The following RBFOX1 variants were observed in gnomAD, a reference collection of about 807,000 sequenced individuals.
RBFOX1 encodes the protein RNA binding fox-1 homolog 1.
Under a neutral mutation model 57.7 loss-of-function variants are expected in RBFOX1, and 8 were observed. That is an observed-to-expected ratio of 0.14 (90% CI 0.08 to 0.25). The LOEUF is 0.25. Ranked by LOEUF, RBFOX1 falls within the 10% of genes least tolerant of loss-of-function variation. The pLI is 1.00. For synonymous variants in RBFOX1, 326 were observed against 222.4 expected (o/e 1.47, Z -4.15); for missense variants, 611 against 548.5 (o/e 1.11, Z -1.14).
chr16:6,008,120 A>C (rs551578430), intron 4 of RBFOX1, among the ~76,000 whole-genome samples: 1 of 152,104 alleles, frequency 6.6e-6, no homozygotes, highest in Non-Finnish European at 1.5e-5. Context: ...CAGGAGGGTC[A>C]CTTGAACCTG....
chr16:6,852,248 A>C (rs1385925598), intron 3 of RBFOX1, among the ~76,000 whole-genome samples: 1 of 152,096 alleles, frequency 6.6e-6, no homozygotes, highest in Non-Finnish European at 1.5e-5. Flanking sequence ...ACATGACTGC[A>C]GTCTCTGCCT....
At chr16:6,935,553 G>C (rs2077221612) in intron 3 of RBFOX1, among the ~76,000 whole-genome samples, 1 of 152,150 alleles carries the variant, frequency 6.6e-6, no homozygotes, top group Non-Finnish European at 1.5e-5. Context: ...AGTATTTGCA[G>C]CCAAGATCTG....
chr16:6,889,418 G>C (rs1186529783), intron 3 of RBFOX1, among the ~76,000 whole-genome samples: 4 of 152,116 alleles, frequency 2.6e-5, no homozygotes, highest in African/African-American at 9.7e-5. Context: ...CTGTCAACTT[G>C]GATTTCCAGA....
chr16:7,693,641 A>ATCTT (rs1170959486), intron 14 of RBFOX1, among the ~76,000 whole-genome samples: 1 of 152,158 alleles, frequency 6.6e-6, no homozygotes, highest in East Asian at 1.9e-4. Context: ...CCACAAGAAA[A>ATCTT]TCTTACAGTA....
At chr16:6,266,389 C>G (rs529859739) in intron 1 of RBFOX1, among the ~76,000 whole-genome samples, 20 of 152,258 alleles carry the variant, frequency 1.3e-4, no homozygotes, top group Non-Finnish European at 2.6e-4. Context: ...AAGTCTCTAG[C>G]AGAATCTCAG....
At chr16:6,752,314 C>G (rs2075075763) in intron 3 of RBFOX1, among the ~76,000 whole-genome samples, 1 of 152,122 alleles carries the variant, frequency 6.6e-6, no homozygotes, top group African/African-American at 2.4e-5. Context: ...CCTCCAATAA[C>G]TTTGACATTA....
intron 3 of RBFOX1, among the ~76,000 whole-genome samples, chr16:5,694,165 G>C (rs181938498): frequency 6.6e-6 from 1 of 152,266 alleles, no homozygotes; most frequent in East Asian, 1.9e-4. Context: ...ATGTGTGGCC[G>C]GGGATTTTGC....
chr16:5,442,640 T>C (rs1036474898), intron 1 of RBFOX1, among the ~76,000 whole-genome samples: 1 of 152,130 alleles, frequency 6.6e-6, no homozygotes, highest in Non-Finnish European at 1.5e-5. Context: ...TTGGGAAGTG[T>C]AAATTAGAGT....
intron 5 of RBFOX1, among the ~76,000 whole-genome samples, chr16:7,519,459 G>A (rs1464719786): frequency 6.6e-6 from 1 of 152,156 alleles, no homozygotes; most frequent in East Asian, 1.9e-4. Flanking sequence ...TGATGAAATG[G>A]ATTAGAAACA....
At chr16:6,706,791 G>C (rs181294953) in intron 3 of RBFOX1, among the ~76,000 whole-genome samples, 1 of 150,868 alleles carries the variant, frequency 6.6e-6, no homozygotes, top group Non-Finnish European at 1.5e-5. Flanking sequence ...ATATTCTTAG[G>C]AATAACAGAA....
chr16:7,021,935 T>TTTTC (rs1169391708), intron 3 of RBFOX1, among the ~76,000 whole-genome samples: 1 of 147,144 alleles, frequency 6.8e-6, no homozygotes, highest in Admixed American at 6.8e-5. Flanking sequence ...CTTTATTTTC[T>TTTTC]TTTCTTTCTT....
At chr16:6,827,131 T>G (rs1165013062) in intron 3 of RBFOX1, among the ~76,000 whole-genome samples, 1 of 152,144 alleles carries the variant, frequency 6.6e-6, no homozygotes, top group African/African-American at 2.4e-5. Context: ...CCAGTGAATA[T>G]AAGATATACC....
intron 4 of RBFOX1, among the ~76,000 whole-genome samples, chr16:7,227,658 GA>G (rs965226997): frequency 6.6e-6 from 1 of 152,122 alleles, no homozygotes; most frequent in African/African-American, 2.4e-5. Context: ...GGGGGTGGGG[GA>G]TTTGAGTGGA....
chr16:7,265,985 T>G (rs920813865), intron 4 of RBFOX1, among the ~76,000 whole-genome samples: 1 of 141,726 alleles, frequency 7.1e-6, no homozygotes, highest in African/African-American at 2.7e-5. Flanking sequence ...TTTTTTTTTT[T>G]TTTTTCTGAG....
intron 1 of RBFOX1, among the ~76,000 whole-genome samples, chr16:6,150,581 G>A (rs545075404): frequency 6.6e-6 from 1 of 152,124 alleles, no homozygotes; most frequent in Non-Finnish European, 1.5e-5. Flanking sequence ...TCACAGAGAG[G>A]TGTTATTCCT....
chr16:7,293,996 C>A (rs1043535748), intron 4 of RBFOX1, among the ~76,000 whole-genome samples: 3 of 152,122 alleles, frequency 2.0e-5, no homozygotes, highest in Non-Finnish European at 4.4e-5. Flanking sequence ...TCATCTTGTA[C>A]TTTAAAGATA....
At chr16:7,185,853 T>A (rs1433678384) in intron 4 of RBFOX1, among the ~76,000 whole-genome samples, 2 of 152,204 alleles carry the variant, frequency 1.3e-5, no homozygotes. Flanking sequence ...TTGGATTCCA[T>A]GGCATTTTAT....
intron 3 of RBFOX1, among the ~76,000 whole-genome samples, chr16:6,676,474 C>G (rs540823745): frequency 6.6e-6 from 1 of 152,102 alleles, no homozygotes; most frequent in East Asian, 1.9e-4. Flanking sequence ...CAGAAAGGTC[C>G]TGAATGGGGA....
intron 2 of RBFOX1, among the ~76,000 whole-genome samples, chr16:5,597,788 G>A (rs747799270): frequency 4.6e-5 from 7 of 152,222 alleles, no homozygotes; most frequent in African/African-American, 1.7e-4. Context: ...AAAGGTGGAC[G>A]AAGGCTTTGG....
Sources: gnomAD v4.1 joint callset for allele counts (sites outside exome capture counted in the v4.1 genomes callset) on GRCh38, gnomAD v4.1.1 for gene constraint, MANE v1.5 for transcripts, NCBI Gene and HGNC (gene_info 2026-07-23, HGNC 2026-07-21) for gene names.